Variants in MGAT4C observed in about 807,000 individuals in gnomAD.
MGAT4C encodes MGAT4 family member C, also known as alpha-1,3-mannosyl-glycoprotein 4-beta-N-acetylglucosaminyltransferase C.
A neutral mutation model predicts 40.1 loss-of-function variants in MGAT4C; 19 were observed. The observed-to-expected ratio is 0.47, with a 90% CI of 0.33 to 0.70. The LOEUF is 0.70. Among genes scored for constraint, MGAT4C ranks in the 30% least tolerant of loss-of-function variants. MGAT4C has a pLI of 0.02. For missense variants in MGAT4C, 491 were observed against 563.2 expected, an observed-to-expected ratio of 0.87 and a Z score of 1.30; for synonymous variants, 181 against 187.1, an observed-to-expected ratio of 0.97 and a Z score of 0.27.
chr12:86,155,071 A>C (rs1884768133), intron 1 of MGAT4C, among the ~76,000 whole-genome samples: 1 of 152,024 alleles, frequency 6.6e-6, no homozygotes, highest in East Asian at 1.9e-4. Flanking sequence ...ATTTAAACAA[A>C]GGTACAAATA....
intron 2 of MGAT4C, among the ~76,000 whole-genome samples, chr12:86,610,056 A>G (rs1962194408): frequency 6.6e-6 from 1 of 152,284 alleles, no homozygotes; most frequent in Middle Eastern, 3.4e-3. Flanking sequence ...AATTTTTTGA[A>G]CTATTTAACA....
At position 85,963,711 on chromosome 12, in the gene MGAT4C, CA is replaced by C; in HGVS notation, c.*15577del. 1 of 151,910 alleles carries C rather than the reference CA, an allele frequency of 6.6e-6. No individual in the cohort carries two copies. 9.4% of individuals were successfully genotyped at this position (151,910 alleles called of 1,614,324 possible). ...GTTTAATGGCACAGATAATATAATT[CA>C]AATCATGACCCCAGGGCTGATGAAG... On this transcript the variant is annotated 3_prime_UTR_variant, in exon 5 of 5. Transcript: ENST00000611864.
chr12:86,002,394 C>T (rs1887419074), intron 2 of MGAT4C: 1 of 152,052 alleles, frequency 6.6e-6, no homozygotes, highest in African/African-American at 2.4e-5. Flanking sequence ...GTGTCTTCTC[C>T]ACAAATATTG....
At chr12:86,036,571 T>C (rs1344860109) in intron 2 of MGAT4C, among the ~76,000 whole-genome samples, 1 of 150,194 alleles carries the variant, frequency 6.7e-6, no homozygotes, top group Non-Finnish European at 1.5e-5. Context: ...GTTTTTGTTA[T>C]TGGTTCTGTT....
intron 2 of MGAT4C, among the ~76,000 whole-genome samples, chr12:86,505,480 C>T (rs1958456301): frequency 6.6e-6 from 1 of 152,144 alleles, no homozygotes; most frequent in African/African-American, 2.4e-5. Context: ...ATACATAAAC[C>T]AGAGTCAGCA....
At chr12:86,730,807 T>C (rs1342640959) in intron 1 of MGAT4C, among the ~76,000 whole-genome samples, 3 of 152,140 alleles carry the variant, frequency 2.0e-5, no homozygotes, top group South Asian at 4.1e-4. Context: ...TTAAGGATTA[T>C]GATCCTCCTC....
chr12:86,155,104 A>G (rs187491306), intron 1 of MGAT4C, among the ~76,000 whole-genome samples: 111 of 152,324 alleles, frequency 7.3e-4, no homozygotes, highest in African/African-American at 2.5e-3. Context: ...GGATGTGAGA[A>G]TTACGGGAAG....
At chr12:86,140,127 C>A (rs987475175) in intron 1 of MGAT4C, among the ~76,000 whole-genome samples, 12 of 152,132 alleles carry the variant, frequency 7.9e-5, no homozygotes, top group African/African-American at 2.9e-4. Context: ...ATATGATAAA[C>A]TTCTTCCTGG....
chr12:86,085,080 A>G (rs985930395), intron 1 of MGAT4C, among the ~76,000 whole-genome samples: 3 of 152,038 alleles, frequency 2.0e-5, no homozygotes, highest in East Asian at 1.9e-4. Context: ...CACAATTTCT[A>G]TTTCAAAATA....
chr12:86,366,715 G>A (rs915003201), intron 3 of MGAT4C, among the ~76,000 whole-genome samples: 2 of 152,074 alleles, frequency 1.3e-5, no homozygotes, highest in South Asian at 2.1e-4. Flanking sequence ...AGCCTTTAAT[G>A]TATAATAAAG....
intron 1 of MGAT4C, among the ~76,000 whole-genome samples, chr12:86,163,766 C>T (rs1407028969): frequency 6.6e-6 from 1 of 152,092 alleles, no homozygotes; most frequent in Admixed American, 6.5e-5. Context: ...TCACATGAAC[C>T]ACTGAACCCT....
At chr12:86,176,759 A>G (rs1887481410) in intron 1 of MGAT4C, among the ~76,000 whole-genome samples, 1 of 150,700 alleles carries the variant, frequency 6.6e-6, no homozygotes, top group African/African-American at 2.4e-5. Context: ...TATTGATGAT[A>G]TTATATAGTG....
intron 1 of MGAT4C, among the ~76,000 whole-genome samples, chr12:86,090,009 C>A (rs185484064): frequency 4.7e-4 from 72 of 151,680 alleles, no homozygotes; most frequent in Non-Finnish European, 9.2e-4. Context: ...TTTATCTCTA[C>A]AAATATTACT....
intron 1 of MGAT4C, among the ~76,000 whole-genome samples, chr12:86,732,924 T>C (rs1950933861): frequency 6.6e-6 from 1 of 152,060 alleles, no homozygotes; most frequent in Non-Finnish European, 1.5e-5. Context: ...GCTTCATTTT[T>C]AACATGTGGT....
rs1003188376 is a variant in MGAT4C at position 86,710,563 on chromosome 12, G to A, written c.-229+16646C>T. ...AATTTTCATCTGGATGTGGTGAAAC[G>A]GGAACAATTTACACTGCTGGTGGGA... On this transcript the variant is annotated intron_variant, in intron 2 of 7. Transcript: ENST00000548651. Among the ~76,000 whole-genome samples the A allele has an allele frequency of 5.3e-5, 8 of 152,156 alleles. No homozygotes were observed. In the East Asian group the frequency reaches 5.8e-4, roughly 11 times the overall value.
At chr12:86,408,479 C>CTCTCTCTATATATATATATATA (rs1267344319) in intron 3 of MGAT4C, among the ~76,000 whole-genome samples, 1 of 63,368 alleles carries the variant, frequency 1.6e-5, no homozygotes, top group African/African-American at 7.8e-5. Flanking sequence ...CTCTCTCTCT[C>CTCTCTCTATATATATATATATA]TATATATATA....
intron 3 of MGAT4C, among the ~76,000 whole-genome samples, chr12:86,429,439 G>A (rs979580463): frequency 2.2e-4 from 34 of 152,078 alleles, no homozygotes; most frequent in Non-Finnish European, 4.1e-4. Context: ...ACACTGTTGC[G>A]GTTGGATGAA....
chr12:86,711,296 GGTAAA>G (rs1226498755), intron 2 of MGAT4C, among the ~76,000 whole-genome samples: 1 of 152,126 alleles, frequency 6.6e-6, no homozygotes, highest in Non-Finnish European at 1.5e-5. Context: ...ATTCATCTAA[GGTAAA>G]GTCTGTACCT....
chr12:86,659,034 TTAAA>T (rs1362868499), intron 2 of MGAT4C, among the ~76,000 whole-genome samples: 1 of 152,252 alleles, frequency 6.6e-6, no homozygotes, highest in Admixed American at 6.5e-5. Context: ...TTAGCAATAA[TTAAA>T]TGTTTATTGT....
Sources: gnomAD v4.1 joint callset for allele counts (sites outside exome capture counted in the v4.1 genomes callset) on GRCh38, gnomAD v4.1.1 for gene constraint, MANE v1.5 for transcripts, NCBI Gene and HGNC (gene_info 2026-07-23, HGNC 2026-07-21) for gene names.